Variants in MYLK observed in about 807,000 individuals in gnomAD.
MYLK encodes myosin light chain kinase, smooth muscle.
MYLK carries 106 observed loss-of-function variants against 203.4 expected under a neutral mutation model. That is an observed-to-expected ratio of 0.52 (90% CI 0.45 to 0.61). The LOEUF is 0.61. MYLK is among the 20% of genes least tolerant of loss of function. The pLI is 0.00. For synonymous variants in MYLK, 867 were observed against 959.5 expected (o/e 0.90, Z 1.78); for missense variants, 2,072 against 2,442.3 (o/e 0.85, Z 3.20).
chr3:123,860,331 G>A (rs2031782068), intron 2 of MYLK, among the ~76,000 whole-genome samples: 1 of 152,192 alleles, frequency 6.6e-6, no homozygotes, highest in Non-Finnish European at 1.5e-5. Context: ...TTGCACTGGG[G>A]TGGACAGCTG....
chr3:123,724,315 T>G (rs751387944), intron 12 of MYLK, among the ~76,000 whole-genome samples: 1 of 151,474 alleles, frequency 6.6e-6, no homozygotes, highest in South Asian at 2.1e-4. Context: ...AACAGCAGAG[T>G]TGAGAGTTGT....
intron 2 of MYLK, among the ~76,000 whole-genome samples, chr3:123,840,447 A>G (rs1426306744): frequency 2.6e-5 from 4 of 151,242 alleles, no homozygotes; most frequent in African/African-American, 7.3e-5. Context: ...AAACAAATCT[A>G]TGTCATAATA....
chr3:123,757,714 A>G (rs751354698), intron 4 of MYLK, among the ~76,000 whole-genome samples: 1 of 152,120 alleles, frequency 6.6e-6, no homozygotes, highest in Non-Finnish European at 1.5e-5. Context: ...TAAGTAACTG[A>G]AGGGATGCTG....
intron 31 of MYLK, chr3:123,621,323 C>G (rs2057843550): frequency 6.6e-6 from 1 of 152,142 alleles, no homozygotes; most frequent in Admixed American, 6.5e-5. Context: ...CCCAAAGCAT[C>G]TTTTTTAGGC....
Position 123,629,730 on chromosome 3 carries a change from C to T in MYLK, c.4962-104G>A. On this transcript the variant is annotated intron_variant, in intron 29 of 33. Coordinates refer to ENST00000360304, the MANE Select transcript of MYLK (RefSeq NM_053025.4). This position sits in a 1 kb window ranked among gnomAD's most constrained non-coding sequence, Gnocchi z 4.4. ...GCGAGGGTCGGCCAGCCTCCCCACC[C>T]CCAAACTCATGCTCTGTGGGCCTTG... is the stretch of plus-strand genomic sequence containing the variant. The T allele has an allele frequency of 2.4e-6, 3 of 1,237,742 alleles. No individual in the cohort carries two copies. Among genetic ancestry groups the T allele is most frequent in the Non-Finnish European group, 3.5e-6 (3 of 849,334 alleles). 76.7% of individuals were successfully genotyped at this position (1,237,742 alleles called of 1,614,324 possible).
chr3:123,723,182 G>C (rs774788901), intron 12 of MYLK, among the ~76,000 whole-genome samples: 2 of 151,490 alleles, frequency 1.3e-5, no homozygotes, highest in Non-Finnish European at 2.9e-5. Context: ...GTCCTGGTTT[G>C]CACTTCATAA....
At chr3:123,760,840 A>C (rs1400808195) in intron 4 of MYLK, among the ~76,000 whole-genome samples, 1 of 152,196 alleles carries the variant, frequency 6.6e-6, no homozygotes, top group African/African-American at 2.4e-5. Flanking sequence ...CCAATTTGAA[A>C]AGTGATCCTT....
chr3:123,788,361 TTCTC>T (rs1052852094), intron 4 of MYLK, among the ~76,000 whole-genome samples: 24 of 151,916 alleles, frequency 1.6e-4, no homozygotes, highest in African/African-American at 5.8e-4. Flanking sequence ...TCTTTCAAAT[TTCTC>T]TTTTTTTTTT....
chr3:123,882,007 C>T (rs947110212), intron 1 of MYLK, among the ~76,000 whole-genome samples: 1 of 152,212 alleles, frequency 6.6e-6, no homozygotes, highest in African/African-American at 2.4e-5. Context: ...GGTGGGGCCA[C>T]CTGGCCTTAC....
chr3:123,662,517 G>A (rs113277425), intron 23 of MYLK, among the ~76,000 whole-genome samples: 1 of 152,204 alleles, frequency 6.6e-6, no homozygotes, highest in Admixed American at 6.5e-5. Context: ...GAATAGAGTC[G>A]AGGAATCAGA....
intron 31 of MYLK, chr3:123,620,598 G>A: frequency 7.9e-7 from 1 of 1,269,356 alleles, no homozygotes; most frequent in South Asian, 1.8e-5. Flanking sequence ...AGGTCAACAT[G>A]AGACAAAAAC....
At chr3:123,737,298 C>G (rs564059066) in intron 8 of MYLK, 80 bp downstream of exon 8, 1 of 1,572,896 alleles carries the variant, frequency 6.4e-7, no homozygotes, top group South Asian at 1.1e-5. Context: ...CACACAGGTG[C>G]GCAGTGAACA....
At chr3:123,882,651 C>T (rs2033617095) in intron 1 of MYLK, among the ~76,000 whole-genome samples, 1 of 152,168 alleles carries the variant, frequency 6.6e-6, no homozygotes, top group Non-Finnish European at 1.5e-5. Context: ...GCAAAAAAAG[C>T]TCTTGTGCAT....
chr3:123,733,630 A>T, intron 10 of MYLK, 57 bp downstream of exon 10: 2 of 1,598,474 alleles, frequency 1.3e-6, no homozygotes, highest in Non-Finnish European at 1.7e-6. Context: ...GAAGGAAGGG[A>T]GTGGCCACCA....
At position 123,866,728 on chromosome 3, in the gene MYLK, C is replaced by T. The variant is rs548446142; in HGVS notation, c.-127+9831G>A. Among the ~76,000 whole-genome samples, 3 of 152,228 alleles carry T rather than the reference C, an allele frequency of 2.0e-5. No homozygotes were observed. The South Asian group carries it at 6.2e-4, about 32-fold the overall frequency. On this transcript the variant is annotated intron_variant, in intron 2 of 33. Coordinates refer to ENST00000360304, the MANE Select transcript of MYLK (RefSeq NM_053025.4). ...AGTACCCACCCATATCAGCTGCTCA[C>T]ACCTCGTCACCCAGACAGACCTCAG...
At chr3:123,800,887 T>G (rs181295376) in intron 3 of MYLK, among the ~76,000 whole-genome samples, 11 of 152,352 alleles carry the variant, frequency 7.2e-5, no homozygotes, top group African/African-American at 2.4e-4. Context: ...TAAAAATTAT[T>G]GAGGGCCCCC....
intron 27 of MYLK, among the ~76,000 whole-genome samples, chr3:123,645,238 T>C (rs748824489): frequency 2.0e-4 from 30 of 152,288 alleles, no homozygotes; most frequent in Middle Eastern, 3.4e-3. Context: ...ATTGGTACAA[T>C]AGAATAACTT....
intron 31 of MYLK, among the ~76,000 whole-genome samples, chr3:123,625,852 A>T (rs2058122584): frequency 6.6e-6 from 1 of 152,106 alleles, no homozygotes. Flanking sequence ...GGTAATAAAA[A>T]TGATAAAATA....
chr3:123,705,310 G>C (rs116256790), intron 16 of MYLK, among the ~76,000 whole-genome samples: 3,772 of 152,304 alleles, frequency 0.025, 60 homozygotes, highest in Non-Finnish European at 0.036. Context: ...CAGGGCAGTG[G>C]CCTCCGAAAG....
Sources: gnomAD v4.1 joint callset for allele counts (sites outside exome capture counted in the v4.1 genomes callset) on GRCh38, gnomAD v4.1.1 for gene constraint, Gnocchi (gnomAD v3.1) non-coding constraint, MANE v1.5 for transcripts, NCBI Gene and HGNC (gene_info 2026-07-23, HGNC 2026-07-21) for gene names.